The following DCAF4 variants were observed in gnomAD, a reference collection of about 807,000 sequenced individuals.
The protein encoded by DCAF4 is DDB1- and CUL4-associated factor 4.
Under a neutral mutation model 60.9 loss-of-function variants are expected in DCAF4, and 37 were observed. The ratio of observed to expected loss-of-function variants is 0.61; its 90% confidence interval spans 0.47 to 0.80. DCAF4 has a LOEUF of 0.80. Ranked by LOEUF, DCAF4 falls within the 30% of genes least tolerant of loss-of-function variation. The probability of loss-of-function intolerance (pLI) is 0.00; values close to 1 mark genes in which losing one functional copy is unlikely to be tolerated. For missense variants in DCAF4, 577 were observed against 650.0 expected (o/e 0.89, Z 1.22); for synonymous variants, 243 against 254.8 (o/e 0.95, Z 0.44).
At chr14:72,943,862 G>A (rs554700035) in intron 6 of DCAF4, among the ~76,000 whole-genome samples, 1 of 152,314 alleles carries the variant, frequency 6.6e-6, no homozygotes, top group East Asian at 1.9e-4. Flanking sequence ...GGAGGCCGAT[G>A]CTAGAGATTG....
downstream of DCAF4, chr14:72,961,969 G>C: frequency 8.9e-7 from 1 of 1,129,274 alleles, no homozygotes; most frequent in Non-Finnish European, 1.1e-6. Flanking sequence ...GTCTGTCTTT[G>C]GAGAGGTCAC....
chr14:72,961,917 G>T, downstream of DCAF4: 5 of 1,143,508 alleles, frequency 4.4e-6, no homozygotes, highest in Non-Finnish European at 3.3e-6. Flanking sequence ...TCAGTGGAAG[G>T]TTTGGCTACC....
intron 1 of DCAF4, among the ~76,000 whole-genome samples, chr14:72,927,204 TC>T (rs1375414030): frequency 1.3e-5 from 2 of 152,276 alleles, no homozygotes; most frequent in African/African-American, 4.8e-5. Context: ...ACCATGGTGT[TC>T]TACAGGCATT....
At chr14:72,940,412 C>A (rs573519299) in intron 4 of DCAF4, 35 bp downstream of exon 4, 1 of 1,577,774 alleles carries the variant, frequency 6.3e-7, no homozygotes, top group South Asian at 1.2e-5. Context: ...CTGTCCTCTC[C>A]GCTCCTGCCA....
At chr14:72,929,473 G>T in intron 1 of DCAF4, 1 of 618,964 alleles carries the variant, frequency 1.6e-6, no homozygotes, top group Non-Finnish European at 2.9e-6. Flanking sequence ...AAGGCAGGAG[G>T]ATCGCTGGAG....
intron 1 of DCAF4, among the ~76,000 whole-genome samples, chr14:72,932,426 T>C (rs974111268): frequency 2.6e-5 from 4 of 152,280 alleles, no homozygotes; most frequent in African/African-American, 9.6e-5. Flanking sequence ...AAGGAAGGCA[T>C]GTACATTTGT....
rs146504543 is a variant in DCAF4, at chr14:72,938,179, A to G, written c.92+109A>G. On this transcript the variant is annotated intron_variant, in intron 2 of 13. Coordinates refer to ENST00000358377, the MANE Select transcript of DCAF4 (RefSeq NM_015604.4). ...GGAGATCACCTGGGGGCTCGTCCCA[A>G]TGCAGGTTCTGATTCTGTAGGTCTG... 36 of 1,409,962 alleles carry G rather than the reference A, an allele frequency of 2.6e-5. No individual in the cohort carries two copies. In the East Asian group the frequency reaches 6.9e-4, roughly 27 times the overall value. 87.3% of individuals were successfully genotyped at this position (1,409,962 alleles called of 1,614,324 possible).
At chr14:72,949,740 G>C (rs1364038146) in intron 8 of DCAF4, among the ~76,000 whole-genome samples, 1 of 152,232 alleles carries the variant, frequency 6.6e-6, no homozygotes, top group Non-Finnish European at 1.5e-5. Context: ...CTGAGCGAAA[G>C]AGCAAGACTC....
chr14:72,939,833 G>T lies in DCAF4; in HGVS notation c.124G>T (p.Asp42Tyr). ...CTCCCGGGCAGCACAGCCCGCTCACGATTCCGGCCACGGTGATGACGAGTC... is the reference window on the plus strand; with the variant it reads ...CTCCCGGGCAGCACAGCCCGCTCACTATTCCGGCCACGGTGATGACGAGTC... ...SDSRAAQPAH[D>Y]SGHGDDESPS... Residue 42 changes from aspartate to tyrosine, a missense_variant, in exon 3 of 14, where the codon GAT becomes TAT. Asp to Tyr is a radical substitution (Grantham distance 160). Coordinates refer to ENST00000358377, the MANE Select transcript of DCAF4 (RefSeq NM_015604.4). The T allele has an allele frequency of 6.2e-7, 1 of 1,613,172 alleles. No individual in the cohort carries two copies. The highest frequency in any genetic ancestry group is 8.5e-7 in the Non-Finnish European group (1 of 1,179,638).
intron 9 of DCAF4, among the ~76,000 whole-genome samples, chr14:72,953,763 A>ATATATATATATATATATATG (rs1327466108): frequency 2.6e-5 from 1 of 38,140 alleles, no homozygotes; most frequent in African/African-American, 9.5e-5. Context: ...ATATATATAT[A>ATATATATATATATATATATG]GTTTATTTAT....
intron 1 of DCAF4, among the ~76,000 whole-genome samples, chr14:72,927,316 G>A (rs1887706004): frequency 6.8e-6 from 1 of 148,104 alleles, no homozygotes; most frequent in Non-Finnish European, 1.5e-5. Context: ...TTTAAATAAC[G>A]ATGGAAATTA....
At position 72,954,244 on chromosome 14, in the gene DCAF4, A is replaced by G; in HGVS notation, c.889A>G (p.Asn297Asp). The change falls in exon 10 of 14, where the codon AAT becomes GAT. Residue 297 changes from asparagine (N) to aspartate (D), a missense_variant. Transcript: ENST00000358377. ...TGCCTGGTCCCTGAATATCCAAGCA[A>G]ATAACTGCTTCAGTACAGGTGAGCC... ...SCAWSLNIQA[N>D]NCFSTGLSRR... is the part of the protein sequence containing the mutation. The G allele has an allele frequency of 1.2e-6, 2 of 1,614,184 alleles. No homozygotes were observed. Among genetic ancestry groups the G allele is most frequent in the Non-Finnish European group, 1.7e-6 (2 of 1,180,034 alleles).
intron 1 of DCAF4, among the ~76,000 whole-genome samples, chr14:72,936,323 G>C (rs1006675814): frequency 6.6e-6 from 1 of 152,186 alleles, no homozygotes; most frequent in Non-Finnish European, 1.5e-5. Flanking sequence ...CAGCACTTTG[G>C]GAGGACGAGG....
intron 8 of DCAF4, among the ~76,000 whole-genome samples, chr14:72,951,004 A>C (rs1891334095): frequency 6.6e-6 from 1 of 151,864 alleles, no homozygotes; most frequent in African/African-American, 2.4e-5. Flanking sequence ...TTTTTGAGAC[A>C]TGGTCTTACT....
intron 8 of DCAF4, among the ~76,000 whole-genome samples, chr14:72,947,645 C>G (rs980965029): frequency 1.3e-5 from 2 of 152,192 alleles, no homozygotes; most frequent in Admixed American, 6.5e-5. Flanking sequence ...GGGAGGAAGC[C>G]CAGCTCCTCC....
At chr14:72,927,485 G>A (rs1887758749) in intron 1 of DCAF4, among the ~76,000 whole-genome samples, 1 of 151,782 alleles carries the variant, frequency 6.6e-6, no homozygotes, top group Admixed American at 6.6e-5. Context: ...CCGCGTAGCT[G>A]GGGCTACAGG....
In DCAF4 at chr14:72,939,857, T is replaced by A; in HGVS notation, c.148T>A (p.Ser50Thr). The change falls in exon 3 of 14, where the codon TCT becomes ACT. Residue 50 changes from serine (S) to threonine (T), a missense_variant. By Grantham distance (58) the Ser-to-Thr change is moderately conservative. Coordinates refer to ENST00000358377, the MANE Select transcript of DCAF4 (RefSeq NM_015604.4). ...CGATTCCGGCCACGGTGATGACGAG[T>A]CTCCGTCAACCTCGTCTGGCACAGC... ...AHDSGHGDDE[S>T]PSTSSGTAGT... 1 of 1,612,554 alleles carries A rather than the reference T, an allele frequency of 6.2e-7. No homozygotes were observed. Among genetic ancestry groups the A allele is most frequent in the Non-Finnish European group, 8.5e-7 (1 of 1,179,404 alleles).
chr14:72,941,578 C>T (rs74062607), intron 4 of DCAF4, among the ~76,000 whole-genome samples, 167 bp from the exon 5 acceptor site: 2,025 of 151,664 alleles, frequency 0.013, 46 homozygotes, highest in African/African-American at 0.044. Flanking sequence ...TTCCTCTTGC[C>T]GAGGAAGGGA....
At chr14:72,950,958 C>T (rs75773648) in intron 8 of DCAF4, among the ~76,000 whole-genome samples, 2,062 of 152,042 alleles carry the variant, frequency 0.014, 48 homozygotes, top group African/African-American at 0.045. Context: ...AGGGAGGGAT[C>T]AGAGAGGGCT....
Sources: gnomAD v4.1 joint callset for allele counts (sites outside exome capture counted in the v4.1 genomes callset) on GRCh38, gnomAD v4.1.1 for gene constraint, MANE v1.5 for transcripts, NCBI Gene and HGNC (gene_info 2026-07-23, HGNC 2026-07-21) for gene names.